The following ARHGAP35 variants were observed in gnomAD, a reference collection of about 807,000 sequenced individuals.
ARHGAP35 encodes Rho GTPase activating protein 35.
In ARHGAP35, 15 loss-of-function variants were observed where a neutral mutation model predicts 111.1. The observed-to-expected ratio is 0.13, with a 90% CI of 0.09 to 0.21. The LOEUF is 0.21. Ranked by LOEUF, ARHGAP35 falls within the 10% of genes least tolerant of loss-of-function variation. The probability of loss-of-function intolerance (pLI) is 1.00; values close to 1 mark genes in which losing one functional copy is unlikely to be tolerated. For missense variants in ARHGAP35, 1,262 were observed against 1,873.0 expected (o/e 0.67, Z 6.02); for synonymous variants, 643 against 710.3 (o/e 0.91, Z 1.51).
intron 1 of ARHGAP35, among the ~76,000 whole-genome samples, chr19:46,917,505 G>A (rs1038945767): frequency 1.3e-5 from 2 of 152,082 alleles, no homozygotes; most frequent in African/African-American, 2.4e-5. Context: ...CTACTCGGGA[G>A]GCTGAGGAAG....
In ARHGAP35 at chr19:47,004,494, A is replaced by C. The variant is rs1275204439; in HGVS notation, c.*3806A>C. On this transcript the variant is annotated 3_prime_UTR_variant, in exon 7 of 7. Transcript: ENST00000672722. ...AGAATCATGTTCCCTGTGTACATTTAAGAAAAAAACAAAAAAACGGAAATG... is the reference window on the plus strand; with the variant it reads ...AGAATCATGTTCCCTGTGTACATTTCAGAAAAAAACAAAAAAACGGAAATG... 1 of 152,680 alleles carries C rather than the reference A, an allele frequency of 6.5e-6. No individual in the cohort carries two copies. Among genetic ancestry groups the C allele is most frequent in the Non-Finnish European group, 1.5e-5 (1 of 68,052 alleles). The allele number at this position is 152,680 out of a possible 1,614,324, so 9.5% of individuals were successfully genotyped here.
intron 3 of ARHGAP35, among the ~76,000 whole-genome samples, chr19:46,985,504 A>G (rs1044030106): frequency 1.3e-5 from 2 of 152,220 alleles, no homozygotes; most frequent in South Asian, 2.1e-4. Flanking sequence ...CTTAGCAGCT[A>G]TGATCTGGGG....
At position 46,920,846 on chromosome 19, in the gene ARHGAP35, T is replaced by C. The variant is rs1302433091; in HGVS notation, c.2171T>C (p.Ile724Thr). ...LHSLIQQGQQIASKLQCVFLD... is the reference protein window; with the variant it reads ...LHSLIQQGQQTASKLQCVFLD... ...AGCTTAATACAGCAAGGTCAACAAA[T>C]TGCTAGCAAACTTCAGTGTGTCTTT... Residue 724 changes from isoleucine to threonine, a missense_variant, in exon 2 of 7, where the codon ATT (isoleucine) becomes ACT (threonine). By Grantham distance (89) the Ile-to-Thr change is moderately conservative. This residue lies in a region of ARHGAP35 where 579 missense variants were observed against 716.9 expected (regional missense o/e 0.81). Transcript: ENST00000672722. The surrounding 1 kb of genome is among the most constrained non-coding windows in gnomAD (Gnocchi z 7.0). The C allele has an allele frequency of 1.2e-6, 2 of 1,613,490 alleles. No individual in the cohort carries two copies. The highest frequency in any genetic ancestry group is 2.7e-5 in the African/African-American group (2 of 74,908).
intron 3 of ARHGAP35, among the ~76,000 whole-genome samples, chr19:46,954,334 G>A (rs2056427914): frequency 6.6e-6 from 1 of 152,220 alleles, no homozygotes; most frequent in Admixed American, 6.5e-5. Context: ...CCTGATTCAT[G>A]TGTCCCCATG....
At chr19:46,947,663 A>G (rs2056387654) in intron 3 of ARHGAP35, 1 of 152,098 alleles carries the variant, frequency 6.6e-6, no homozygotes, top group South Asian at 2.1e-4. Context: ...CTCCGGTTCA[A>G]TTCCAAAACC....
intron 1 of ARHGAP35, among the ~76,000 whole-genome samples, chr19:46,896,890 T>C (rs2056059969): frequency 6.6e-6 from 1 of 152,074 alleles, no homozygotes; most frequent in Admixed American, 6.6e-5. Context: ...GGGCATGTTG[T>C]CTTTTTTTCT....
chr19:46,970,561 G>A (rs900303852), intron 3 of ARHGAP35, among the ~76,000 whole-genome samples: 17 of 152,194 alleles, frequency 1.1e-4, no homozygotes, highest in Non-Finnish European at 2.1e-4. Context: ...ATGGTGCAGA[G>A]TCTATACCCT....
At chr19:46,865,197 G>A (rs2055848563) in intron 1 of ARHGAP35, among the ~76,000 whole-genome samples, 1 of 152,202 alleles carries the variant, frequency 6.6e-6, no homozygotes, top group Non-Finnish European at 1.5e-5. Context: ...TATGCCATTT[G>A]GAGTGGGGGG....
chr19:46,905,252 G>A (rs538720348), intron 1 of ARHGAP35, among the ~76,000 whole-genome samples: 43 of 152,314 alleles, frequency 2.8e-4, no homozygotes, highest in African/African-American at 7.5e-4. Flanking sequence ...TGTAGGTTGG[G>A]CGTGGTGGCT....
Position 46,921,072 on chromosome 19 carries a change from A to C in ARHGAP35, c.2397A>C (p.Ile799=), listed in dbSNP as rs769018982. ...GAGATCCTTTTAGTGCAGATGACATACTTTTTCCTGTCCTTCAGTCCCAAA... is the reference window on the plus strand; with the variant it reads ...GAGATCCTTTTAGTGCAGATGACATCCTTTTTCCTGTCCTTCAGTCCCAAA... ...MCGDPFSADD[I]LFPVLQSQTC... Residue 799 remains isoleucine (I), a synonymous_variant, in exon 2 of 7, where the codon ATA becomes ATC. Coordinates refer to ENST00000672722, the MANE Select transcript of ARHGAP35 (RefSeq NM_004491.5). This position sits in a 1 kb window ranked among gnomAD's most constrained non-coding sequence, Gnocchi z 4.3. 2.5e-6 allele frequency: 4 copies of C among 1,613,946 alleles called. No homozygotes were observed. In the East Asian group the frequency reaches 8.9e-5, roughly 36 times the overall value.
intron 3 of ARHGAP35, among the ~76,000 whole-genome samples, chr19:46,969,909 G>A (rs999568440): frequency 6.6e-6 from 1 of 152,180 alleles, no homozygotes; most frequent in Non-Finnish European, 1.5e-5. Context: ...AGCACCAGGA[G>A]AGCTGGACCC....
chr19:46,906,281 C>T (rs564004175), intron 1 of ARHGAP35, among the ~76,000 whole-genome samples: 1 of 152,234 alleles, frequency 6.6e-6, no homozygotes, highest in Non-Finnish European at 1.5e-5. Context: ...TGTACTCCAG[C>T]GTGGGTGACA....
chr19:46,945,640 C>T lies in ARHGAP35; in HGVS notation c.3826+8232C>T, dbSNP rs558976011. On this transcript the variant is annotated intron_variant, in intron 3 of 6. Coordinates refer to ENST00000672722, the MANE Select transcript of ARHGAP35 (RefSeq NM_004491.5). This position sits in a 1 kb window ranked among gnomAD's most constrained non-coding sequence, Gnocchi z 4.1. ...TGTCGTCACACCTGCCCACCCGGGA[C>T]GGTCTCAGCGTTCTGGAGACAGAAT... is the stretch of plus-strand genomic sequence containing the variant. 2.0e-5 allele frequency among the ~76,000 whole-genome samples: 3 copies of T among 152,302 alleles called. No homozygotes were observed. Among genetic ancestry groups the T allele is most frequent in the South Asian group, 2.1e-4 (1 of 4,814 alleles).
chr19:46,878,703 T>G (rs1169988180), intron 1 of ARHGAP35, among the ~76,000 whole-genome samples: 1 of 152,036 alleles, frequency 6.6e-6, no homozygotes, highest in African/African-American at 2.4e-5. Context: ...TGCAGTGGTG[T>G]GGTCACAGCT....
chr19:46,902,003 T>G (rs1039967621), intron 1 of ARHGAP35, among the ~76,000 whole-genome samples: 2 of 152,228 alleles, frequency 1.3e-5, no homozygotes, highest in Non-Finnish European at 2.9e-5. Flanking sequence ...ATGTTAATAT[T>G]ACCTTTCTCA....
At chr19:46,889,551 A>G (rs1325364187) in intron 1 of ARHGAP35, among the ~76,000 whole-genome samples, 2 of 152,226 alleles carry the variant, frequency 1.3e-5, no homozygotes, top group African/African-American at 4.8e-5. Flanking sequence ...GGTGGTATAC[A>G]TAGCACTATC....
intron 3 of ARHGAP35, among the ~76,000 whole-genome samples, chr19:46,937,946 A>G (rs182353100): frequency 3.3e-5 from 5 of 152,340 alleles, no homozygotes; most frequent in Non-Finnish European, 5.9e-5. Flanking sequence ...CGCTCCTCTG[A>G]CAACTTGATG....
intron 5 of ARHGAP35, among the ~76,000 whole-genome samples, chr19:46,991,885 C>A (rs573439812): frequency 6.6e-6 from 1 of 152,348 alleles, no homozygotes; most frequent in Non-Finnish European, 1.5e-5. Context: ...TACTTAATCC[C>A]TGAGAGCAAT....
chr19:46,998,780 C>T (rs1361661761), intron 5 of ARHGAP35, among the ~76,000 whole-genome samples: 5 of 152,228 alleles, frequency 3.3e-5, no homozygotes, highest in South Asian at 2.1e-4. Context: ...CATAAGAATT[C>T]CCCCACTGTT....
Sources: gnomAD v4.1 joint callset for allele counts (sites outside exome capture counted in the v4.1 genomes callset) on GRCh38, gnomAD v4.1.1 for gene constraint, gnomAD v4.1.1 regional missense constraint, Gnocchi (gnomAD v3.1) non-coding constraint, MANE v1.5 for transcripts, NCBI Gene and HGNC (gene_info 2026-07-23, HGNC 2026-07-21) for gene names.